The following AGPS variants were observed in gnomAD, a reference collection of about 807,000 sequenced individuals.
AGPS encodes the protein alkylglycerone phosphate synthase.
Under a neutral mutation model 90.7 loss-of-function variants are expected in AGPS, and 26 were observed. The ratio of observed to expected loss-of-function variants is 0.29; its 90% CI spans 0.21 to 0.40. AGPS has a LOEUF of 0.40. AGPS is among the 10% of genes least tolerant of loss of function. The pLI, the probability that AGPS is intolerant of heterozygous loss-of-function variation, is 1.00. For missense variants in AGPS, 540 were observed against 816.1 expected, an observed-to-expected ratio of 0.66 and a Z score of 4.12; for synonymous variants, 294 against 285.3, an observed-to-expected ratio of 1.03 and a Z score of -0.31.
At chr2:177,479,223 A>G (rs1041509337) in intron 10 of AGPS, among the ~76,000 whole-genome samples, 2 of 152,146 alleles carry the variant, frequency 1.3e-5, no homozygotes, top group Admixed American at 6.5e-5. Flanking sequence ...ATGAGCCAGG[A>G]CAAGGGGATT....
intron 10 of AGPS, among the ~76,000 whole-genome samples, chr2:177,480,656 A>G (rs1687917337): frequency 6.6e-6 from 1 of 152,156 alleles, no homozygotes; most frequent in Non-Finnish European, 1.5e-5. Flanking sequence ...CAGCACACCA[A>G]CATGGCACAC....
At chr2:177,500,422 TATATC>T (rs1688527123) in intron 14 of AGPS, among the ~76,000 whole-genome samples, 1 of 152,038 alleles carries the variant, frequency 6.6e-6, no homozygotes, top group Non-Finnish European at 1.5e-5. Flanking sequence ...GGGATTAAAA[TATATC>T]ATATACATTA....
Position 177,416,484 on chromosome 2 carries a change from A to G in AGPS, c.261-3785A>G, listed in dbSNP as rs981080809. Among the ~76,000 whole-genome samples, 68 of 152,036 alleles carry G rather than the reference A, an allele frequency of 4.5e-4. 1 individual carries two copies. The highest frequency in any genetic ancestry group is 7.4e-5 in the Non-Finnish European group (5 of 68,004). On this transcript the variant is annotated intron_variant, in intron 1 of 19. Transcript: ENST00000264167. ...AACATTTATTTTTTTATGCAGTAAA[A>G]TCAAGCCAACTATTCTTTCGGCAGG...
chr2:177,453,626 CAGA>C (rs1379618156), intron 8 of AGPS, among the ~76,000 whole-genome samples: 1 of 150,392 alleles, frequency 6.6e-6, no homozygotes, highest in Non-Finnish European at 1.5e-5. Flanking sequence ...CTCCTAAAGA[CAGA>C]AGAATAGTGT....
intron 19 of AGPS, among the ~76,000 whole-genome samples, chr2:177,533,254 G>A (rs2079153804): frequency 6.6e-6 from 1 of 152,124 alleles, no homozygotes; most frequent in African/African-American, 2.4e-5. Context: ...AACATACTGT[G>A]GAAACCAACT....
At chr2:177,503,722 A>C (rs1247303093) in intron 14 of AGPS, among the ~76,000 whole-genome samples, 1 of 152,196 alleles carries the variant, frequency 6.6e-6, no homozygotes, top group Non-Finnish European at 1.5e-5. Flanking sequence ...ACAGTTCTGA[A>C]AGCTAAAAAG....
intron 1 of AGPS, among the ~76,000 whole-genome samples, chr2:177,399,888 A>G (rs750954951): frequency 6.6e-6 from 1 of 152,112 alleles, no homozygotes; most frequent in Non-Finnish European, 1.5e-5. Context: ...CCTTCAGAGT[A>G]TTATGTTTGT....
chr2:177,455,708 A>G (rs538193224), intron 8 of AGPS, among the ~76,000 whole-genome samples: 1 of 151,354 alleles, frequency 6.6e-6, no homozygotes, highest in South Asian at 2.1e-4. Context: ...TATTTTTTTC[A>G]TCACACTTCT....
At chr2:177,490,742 A>G (rs1252757118) in intron 11 of AGPS, among the ~76,000 whole-genome samples, 1 of 151,574 alleles carries the variant, frequency 6.6e-6, no homozygotes, top group Non-Finnish European at 1.5e-5. Context: ...TGGTACAGTG[A>G]TCACCTGTCT....
intron 14 of AGPS, among the ~76,000 whole-genome samples, chr2:177,500,254 T>C (rs1267282744): frequency 2.0e-5 from 3 of 152,006 alleles, no homozygotes; most frequent in Non-Finnish European, 1.5e-5. Flanking sequence ...AACTGAATAA[T>C]GGTAGGGTGG....
chr2:177,491,942 C>T (rs183993973), intron 11 of AGPS, among the ~76,000 whole-genome samples: 4 of 151,964 alleles, frequency 2.6e-5, no homozygotes, highest in South Asian at 2.1e-4. Flanking sequence ...TATACCACCA[C>T]GCCCAGTTAA....
intron 19 of AGPS, among the ~76,000 whole-genome samples, chr2:177,530,897 AT>A (rs2079131494): frequency 6.6e-6 from 1 of 152,228 alleles, no homozygotes; most frequent in East Asian, 1.9e-4. Flanking sequence ...CATGTATTTA[AT>A]TTCAATTTAT....
chr2:177,537,073 G>A (rs1373546091), intron 19 of AGPS, among the ~76,000 whole-genome samples: 1 of 152,132 alleles, frequency 6.6e-6, no homozygotes, highest in African/African-American at 2.4e-5. Context: ...AATTCAATTA[G>A]TATGATAATA....
chr2:177,413,738 A>G (rs1162963666), intron 1 of AGPS, among the ~76,000 whole-genome samples: 1 of 152,144 alleles, frequency 6.6e-6, no homozygotes, highest in Non-Finnish European at 1.5e-5. Flanking sequence ...AAAGGGTAGG[A>G]TGGTTGTTTC....
At chr2:177,420,994 A>G (rs1384259657) in intron 2 of AGPS, among the ~76,000 whole-genome samples, 2 of 152,032 alleles carry the variant, frequency 1.3e-5, no homozygotes, top group Admixed American at 6.6e-5. Flanking sequence ...ATTACAAAGC[A>G]TATTGGTTCA....
At chr2:177,500,270 C>G (rs955821255) in intron 14 of AGPS, among the ~76,000 whole-genome samples, 3 of 152,008 alleles carry the variant, frequency 2.0e-5, no homozygotes, top group African/African-American at 4.8e-5. Context: ...GGTGGTTTCT[C>G]TCTGTCTTCT....
chr2:177,444,420 C>CAAAAAAAA (rs10618529), intron 7 of AGPS, among the ~76,000 whole-genome samples: 9 of 90,844 alleles, frequency 9.9e-5, no homozygotes, highest in South Asian at 3.5e-4. Flanking sequence ...GACTCTGTCT[C>CAAAAAAAA]AAAAAAAAAA....
chr2:177,485,772 C>T (rs1361874669), intron 11 of AGPS, among the ~76,000 whole-genome samples: 1 of 152,038 alleles, frequency 6.6e-6, no homozygotes. Context: ...CAAAAATTAG[C>T]TGGGTATGGA....
intron 10 of AGPS, among the ~76,000 whole-genome samples, chr2:177,475,832 A>G (rs1366409321): frequency 6.6e-6 from 1 of 152,086 alleles, no homozygotes; most frequent in Non-Finnish European, 1.5e-5. Flanking sequence ...TGGCCATATA[A>G]GTCATAACCC....
Sources: allele counts gnomAD v4.1 joint callset (sites outside exome capture counted in the v4.1 genomes callset), GRCh38; gene constraint gnomAD v4.1.1; transcripts MANE v1.5; gene names NCBI Gene and HGNC (gene_info 2026-07-23, HGNC 2026-07-21).